MYO3B: variants seen among roughly 807,000 people sequenced by gnomAD.
MYO3B encodes the protein myosin IIIB, also known as myosin-IIIb.
Under a neutral mutation model 174.6 loss-of-function variants are expected in MYO3B, and 156 were observed. The ratio of observed to expected loss-of-function variants is 0.89; its 90% CI spans 0.78 to 1.02. The LOEUF is 1.02. Ranked by LOEUF, MYO3B falls within the 50% of genes least tolerant of loss-of-function variation. The pLI, the probability that MYO3B is intolerant of heterozygous loss-of-function variation, is 0.00. For synonymous variants in MYO3B, 563 were observed against 569.1 expected, an observed-to-expected ratio of 0.99 and a Z score of 0.15; for missense variants, 1,632 against 1,639.4, an observed-to-expected ratio of 1.00 and a Z score of 0.08.
chr2:170,595,113 A>AC (rs138740018), intron 32 of MYO3B, among the ~76,000 whole-genome samples: 1,705 of 151,982 alleles, frequency 0.011, 35 homozygotes, highest in African/African-American at 0.038. Context: ...TAAGTTACTT[A>AC]CCCCCCCACA....
intron 32 of MYO3B, among the ~76,000 whole-genome samples, chr2:170,628,976 C>T (rs1696705853): frequency 6.6e-6 from 1 of 152,132 alleles, no homozygotes; most frequent in African/African-American, 2.4e-5. Context: ...AACCAAAAGT[C>T]TCCATGAGAA....
At chr2:170,545,278 A>G (rs77958859) in intron 32 of MYO3B, among the ~76,000 whole-genome samples, 1 of 152,240 alleles carries the variant, frequency 6.6e-6, no homozygotes, top group East Asian at 1.9e-4. Context: ...ATCAAGTTAC[A>G]TAGCAACTCC....
At chr2:170,387,812 C>A (rs73018926) in intron 14 of MYO3B, among the ~76,000 whole-genome samples, 358 of 152,218 alleles carry the variant, frequency 2.4e-3, no homozygotes, top group African/African-American at 8.1e-3. Flanking sequence ...ATTTCACTAA[C>A]CTTCTCTGTG....
intron 32 of MYO3B, among the ~76,000 whole-genome samples, chr2:170,619,734 A>ATACTTTTTTTTTT (rs1553539463): frequency 3.0e-5 from 1 of 33,518 alleles, no homozygotes; most frequent in Non-Finnish European, 7.4e-5. Flanking sequence ...CTGCTGCCAT[A>ATACTTTTTTTTTT]TTCTTTTTTT....
At chr2:170,596,722 C>T (rs1363117928) in intron 32 of MYO3B, among the ~76,000 whole-genome samples, 2 of 152,188 alleles carry the variant, frequency 1.3e-5, no homozygotes, top group Non-Finnish European at 2.9e-5. Context: ...CTAGAGAAGG[C>T]CCTTTAAGGG....
At chr2:170,282,011 G>T (rs1202113033) in intron 7 of MYO3B, among the ~76,000 whole-genome samples, 1 of 152,128 alleles carries the variant, frequency 6.6e-6, no homozygotes, top group Non-Finnish European at 1.5e-5. Flanking sequence ...TTAGCCCCTT[G>T]TCAGATGAAT....
At position 170,383,117 on chromosome 2, in the gene MYO3B, A is replaced by T; in HGVS notation, c.1113A>T (p.Leu371=). The T allele has an allele frequency of 3.7e-6, 6 of 1,613,360 alleles. No homozygotes were observed. The highest frequency in any genetic ancestry group is 3.3e-4 in the Middle Eastern group (2 of 6,054). ...TGCAGAAACGTTATGCAGACTTGCT[A>T]ATTTACACATATGTTGGAGACATCT... ...HQLQKRYADL[L]IYTYVGDILI... The change falls in exon 11 of 35, where the codon CTA becomes CTT. Residue 371 remains leucine (L), a synonymous_variant. Transcript: ENST00000408978.
At chr2:170,231,737 C>T (rs1240153347) in intron 6 of MYO3B, among the ~76,000 whole-genome samples, 3 of 152,204 alleles carry the variant, frequency 2.0e-5, no homozygotes, top group Non-Finnish European at 4.4e-5. Flanking sequence ...CTCAAAGTTC[C>T]AGCCATCCTG....
intron 23 of MYO3B, among the ~76,000 whole-genome samples, chr2:170,461,733 G>T (rs184561176): frequency 1.3e-5 from 2 of 149,730 alleles, no homozygotes; most frequent in Admixed American, 1.3e-4. Context: ...CTGAGATCGC[G>T]CCATTGCACT....
At chr2:170,353,597 C>T (rs2094095405) in intron 8 of MYO3B, among the ~76,000 whole-genome samples, 2 of 152,144 alleles carry the variant, frequency 1.3e-5, no homozygotes, top group South Asian at 4.1e-4. Context: ...ATGAGTTCCT[C>T]AATTGTAACA....
At chr2:170,374,046 G>C (rs950932626) in intron 9 of MYO3B, among the ~76,000 whole-genome samples, 2 of 152,202 alleles carry the variant, frequency 1.3e-5, no homozygotes, top group Non-Finnish European at 2.9e-5. Context: ...GATAATGCAT[G>C]TAGAGCATTC....
intron 7 of MYO3B, among the ~76,000 whole-genome samples, chr2:170,329,556 T>A (rs1057269441): frequency 1.7e-5 from 2 of 116,122 alleles, no homozygotes; most frequent in South Asian, 2.4e-4. Context: ...GATTTTTGTA[T>A]TTTTTTTTTT....
At chr2:170,353,993 T>C (rs2094099310) in intron 8 of MYO3B, among the ~76,000 whole-genome samples, 1 of 152,216 alleles carries the variant, frequency 6.6e-6, no homozygotes, top group Non-Finnish European at 1.5e-5. Context: ...CATTATCTGA[T>C]ATAACTAGCA....
At chr2:170,562,061 C>G (rs189857967) in intron 32 of MYO3B, among the ~76,000 whole-genome samples, 2 of 152,020 alleles carry the variant, frequency 1.3e-5, no homozygotes, top group Non-Finnish European at 2.9e-5. Flanking sequence ...TTGGCCATTG[C>G]TCAATTTTTC....
At chr2:170,374,758 TAC>T (rs201921789) in intron 9 of MYO3B, among the ~76,000 whole-genome samples, 6,222 of 139,818 alleles carry the variant, frequency 0.045, 188 homozygotes, top group African/African-American at 0.093. Flanking sequence ...TATGCATACA[TAC>T]ACACACACAC....
intron 7 of MYO3B, among the ~76,000 whole-genome samples, chr2:170,328,238 C>T (rs986867907): frequency 1.3e-5 from 2 of 152,074 alleles, no homozygotes; most frequent in African/African-American, 4.8e-5. Flanking sequence ...GTCTGTGTCA[C>T]GTATGCTGAG....
Position 170,300,074 on chromosome 2 carries a change from G to A in MYO3B, c.750-35311G>A, listed in dbSNP as rs958782373. Among the ~76,000 whole-genome samples, 50 of 152,256 alleles carry A rather than the reference G, an allele frequency of 3.3e-4. 1 individual carries two copies. The highest frequency in any genetic ancestry group is 1.1e-3 in the African/African-American group (44 of 41,544). ...CTTGCTTTGTTTGATCCTCACACCC[G>A]CTCTGAGATATTCAGTGCCGATAGG... On this transcript the variant is annotated intron_variant, in intron 7 of 34. Coordinates refer to ENST00000408978, the MANE Select transcript of MYO3B (RefSeq NM_138995.5).
At chr2:170,630,787 A>G (rs569134189) in intron 32 of MYO3B, among the ~76,000 whole-genome samples, 18 of 152,344 alleles carry the variant, frequency 1.2e-4, no homozygotes, top group Admixed American at 9.1e-4. Context: ...ACCTCCAACA[A>G]ACTCCAACAG....
chr2:170,224,183 G>A (rs1444459221), intron 6 of MYO3B, among the ~76,000 whole-genome samples: 3 of 152,216 alleles, frequency 2.0e-5, no homozygotes, highest in Non-Finnish European at 2.9e-5. Flanking sequence ...GACTATGATA[G>A]GGGCTTTTAA....
Sources: allele counts gnomAD v4.1 joint callset (sites outside exome capture counted in the v4.1 genomes callset), GRCh38; gene constraint gnomAD v4.1.1; transcripts MANE v1.5; gene names NCBI Gene and HGNC (gene_info 2026-07-23, HGNC 2026-07-21).